GPC5: variants seen among roughly 807,000 people sequenced by gnomAD.
The protein encoded by GPC5 is glypican-5.
A neutral mutation model predicts 53.9 loss-of-function variants in GPC5; 47 were observed. The observed-to-expected ratio is 0.87, with a 90% CI of 0.69 to 1.11. The LOEUF (loss-of-function observed/expected upper bound fraction) is 1.11, where lower values mean the gene tolerates loss of function less well. GPC5 is among the 50% of genes most tolerant of loss of function. The pLI, the probability that GPC5 is intolerant of heterozygous loss-of-function variation, is 0.00. For missense variants in GPC5, 748 were observed against 713.1 expected (o/e 1.05, Z -0.56); for synonymous variants, 286 against 263.3 (o/e 1.09, Z -0.84).
At chr13:91,587,735 C>T (rs1264062388) in intron 2 of GPC5, among the ~76,000 whole-genome samples, 1 of 152,082 alleles carries the variant, frequency 6.6e-6, no homozygotes, top group Non-Finnish European at 1.5e-5. Context: ...CTAATGAGAT[C>T]ATAAATTCCT....
chr13:91,514,982 A>C (rs144706062), intron 2 of GPC5, among the ~76,000 whole-genome samples: 86 of 152,328 alleles, frequency 5.6e-4, no homozygotes, highest in African/African-American at 2.0e-3. Context: ...AATCATTTAC[A>C]TTTTAAGTGA....
chr13:91,633,500 A>G (rs748808746), intron 2 of GPC5, among the ~76,000 whole-genome samples: 3 of 152,120 alleles, frequency 2.0e-5, no homozygotes, highest in East Asian at 1.9e-4. Flanking sequence ...CACTCTGCCA[A>G]TTCTTAAATG....
chr13:92,715,592 CA>C (rs1193716956), intron 7 of GPC5, among the ~76,000 whole-genome samples: 2 of 152,182 alleles, frequency 1.3e-5, no homozygotes, highest in African/African-American at 4.8e-5. Context: ...ATCTGGACTT[CA>C]TGAGGGGCTG....
intron 5 of GPC5, among the ~76,000 whole-genome samples, chr13:91,880,934 G>A (rs1352083225): frequency 6.6e-6 from 1 of 152,040 alleles, no homozygotes; most frequent in Non-Finnish European, 1.5e-5. Flanking sequence ...GGAATTACAG[G>A]CGTCCGCCAC....
chr13:92,834,818 G>T (rs573027221), intron 7 of GPC5, among the ~76,000 whole-genome samples: 1 of 152,070 alleles, frequency 6.6e-6, no homozygotes. Flanking sequence ...GCCACTAAGG[G>T]CCATAGTGTA....
chr13:92,385,599 A>C (rs1452959725), intron 7 of GPC5, among the ~76,000 whole-genome samples: 1 of 134,712 alleles, frequency 7.4e-6, no homozygotes, highest in Non-Finnish European at 1.6e-5. Flanking sequence ...GCATATATAC[A>C]TATATACACA....
intron 7 of GPC5, among the ~76,000 whole-genome samples, chr13:92,744,665 G>A (rs758214460): frequency 2.0e-5 from 3 of 151,986 alleles, no homozygotes; most frequent in Admixed American, 6.6e-5. Context: ...AGATATTGAA[G>A]GAATCAATTA....
rs781335715 is a variant in GPC5, at chr13:92,257,567, T to G, written c.1561+112578T>G. Reference sequence around the variant, plus strand: ...AGGGATTTTTTTTTTTTTTTTTTTTTGGGGACAGAGTCTCACTCTGCCTCC... The same window carrying G: ...AGGGATTTTTTTTTTTTTTTTTTTTGGGGGACAGAGTCTCACTCTGCCTCC... On this transcript the variant is annotated intron_variant, in intron 7 of 7. Transcript: ENST00000377067. Among the ~76,000 whole-genome samples the G allele has an allele frequency of 5.6e-3, 792 of 142,104 alleles. 19 individuals are homozygous for G. The highest frequency in any genetic ancestry group is 0.037 in the South Asian group (168 of 4,500). The allele number at this position is 142,104 out of a possible 152,430, so 93.2% of individuals were successfully genotyped here. A position where few individuals can be genotyped will look rare whatever the true frequency, so the allele number is the denominator to read the frequency against.
intron 6 of GPC5, among the ~76,000 whole-genome samples, chr13:92,031,536 C>T (rs982393828): frequency 4.7e-5 from 7 of 150,506 alleles, no homozygotes; most frequent in African/African-American, 1.7e-4. Context: ...CGCATCCACA[C>T]CAACATCTAT....
In GPC5 at chr13:91,437,816, C is replaced by G. The variant is rs200121214; in HGVS notation, c.164-10945C>G. Among the ~76,000 whole-genome samples the G allele has an allele frequency of 9.6e-4, 146 of 152,334 alleles. No individual in the cohort carries two copies. The East Asian group carries it at 0.02, about 21-fold the overall frequency. ...TACACCAATCAGACATAGATTTGGT[C>G]TTTTCACATAGTCCCATATTTCTTG... On this transcript the variant is annotated intron_variant, in intron 1 of 7. Coordinates refer to ENST00000377067, the MANE Select transcript of GPC5 (RefSeq NM_004466.6).
intron 6 of GPC5, among the ~76,000 whole-genome samples, chr13:92,035,787 C>CA (rs370869095): frequency 9.3e-5 from 14 of 150,118 alleles, no homozygotes; most frequent in African/African-American, 3.2e-4. Context: ...CAATGTTCAC[C>CA]AAAGCTACCT....
chr13:92,546,168 A>C (rs966450233), intron 7 of GPC5, among the ~76,000 whole-genome samples: 1 of 152,102 alleles, frequency 6.6e-6, no homozygotes, highest in Non-Finnish European at 1.5e-5. Flanking sequence ...GGCCAGGGCA[A>C]CTTCAGGCAG....
chr13:92,064,661 G>T (rs2041151782), intron 6 of GPC5, among the ~76,000 whole-genome samples: 1 of 151,870 alleles, frequency 6.6e-6, no homozygotes, highest in African/African-American at 2.4e-5. Flanking sequence ...GGAGGCTGAG[G>T]CAGGAGAATT....
intron 7 of GPC5, among the ~76,000 whole-genome samples, chr13:92,848,773 T>G (rs1254650775): frequency 8.2e-6 from 1 of 121,846 alleles, no homozygotes; most frequent in East Asian, 2.4e-4. Context: ...AGAACTGACA[T>G]GATTGTTGTT....
At chr13:92,269,633 C>T (rs981831944) in intron 7 of GPC5, among the ~76,000 whole-genome samples, 18 of 152,086 alleles carry the variant, frequency 1.2e-4, no homozygotes, top group Admixed American at 5.2e-4. Flanking sequence ...GTCTCGATCT[C>T]CTGACCTCGT....
intron 2 of GPC5, among the ~76,000 whole-genome samples, chr13:91,665,077 C>T (rs1252592393): frequency 2.6e-5 from 4 of 152,146 alleles, no homozygotes; most frequent in Non-Finnish European, 5.9e-5. Context: ...CAAAAATATT[C>T]TCATTAAAAG....
At chr13:91,463,312 T>C (rs2139150704) in intron 2 of GPC5, among the ~76,000 whole-genome samples, 1 of 152,248 alleles carries the variant, frequency 6.6e-6, no homozygotes, top group African/African-American at 2.4e-5. Flanking sequence ...ATTCTTTTTT[T>C]CTGAATATTT....
At chr13:91,768,644 A>T (rs1443206534) in intron 5 of GPC5, among the ~76,000 whole-genome samples, 1 of 152,242 alleles carries the variant, frequency 6.6e-6, no homozygotes, top group Non-Finnish European at 1.5e-5. Flanking sequence ...TATTCTAGAC[A>T]GAATCTAGAC....
At chr13:91,877,003 G>A (rs975570112) in intron 5 of GPC5, among the ~76,000 whole-genome samples, 11 of 152,214 alleles carry the variant, frequency 7.2e-5, no homozygotes, top group African/African-American at 2.7e-4. Flanking sequence ...ACTTCAGAGG[G>A]TGCAAGCCCC....
Sources: gnomAD v4.1 joint callset for allele counts (sites outside exome capture counted in the v4.1 genomes callset) on GRCh38, gnomAD v4.1.1 for gene constraint, MANE v1.5 for transcripts, NCBI Gene and HGNC (gene_info 2026-07-23, HGNC 2026-07-21) for gene names.